Variants in SGMS1 observed in about 807,000 individuals in gnomAD.
SGMS1 encodes sphingomyelin synthase 1.
In SGMS1, 13 loss-of-function variants were observed where a neutral mutation model predicts 46.2. That is an observed-to-expected ratio of 0.28 (90% CI 0.18 to 0.45). SGMS1 has a LOEUF of 0.45. Ranked by LOEUF, SGMS1 falls within the 20% of genes least tolerant of loss-of-function variation. SGMS1 has a pLI of 1.00. For synonymous variants in SGMS1, 203 were observed against 187.8 expected (o/e 1.08, Z -0.66); for missense variants, 324 against 519.9 (o/e 0.62, Z 3.66).
chr10:50,527,214 T>TG (rs1236432031), intron 2 of SGMS1, among the ~76,000 whole-genome samples: 1 of 151,998 alleles, frequency 6.6e-6, no homozygotes, highest in Non-Finnish European at 1.5e-5. Flanking sequence ...TAGGCCTCTG[T>TG]GGGGAAAGTC....
At chr10:50,315,913 T>C (rs1847330301) in intron 8 of SGMS1, among the ~76,000 whole-genome samples, 1 of 152,160 alleles carries the variant, frequency 6.6e-6, no homozygotes, top group African/African-American at 2.4e-5. Context: ...CCAAATCACT[T>C]ACACAATACC....
At chr10:50,388,390 T>C (rs977857290) in intron 6 of SGMS1, among the ~76,000 whole-genome samples, 2 of 151,172 alleles carry the variant, frequency 1.3e-5, no homozygotes, top group Non-Finnish European at 2.9e-5. Flanking sequence ...TCCCAGCACT[T>C]TGGGAAGAAG....
intron 1 of SGMS1, among the ~76,000 whole-genome samples, chr10:50,593,339 T>C (rs1426412449): frequency 6.6e-6 from 1 of 152,230 alleles, no homozygotes; most frequent in Non-Finnish European, 1.5e-5. Flanking sequence ...CCCAAATTCC[T>C]GGCCTACTCA....
At chr10:50,430,590 T>C (rs1327452282) in intron 6 of SGMS1, among the ~76,000 whole-genome samples, 1 of 152,176 alleles carries the variant, frequency 6.6e-6, no homozygotes, top group Non-Finnish European at 1.5e-5. Context: ...TTAACTTTTA[T>C]AGTTTCATAA....
chr10:50,570,240 T>G (rs1838325651), intron 2 of SGMS1, among the ~76,000 whole-genome samples: 1 of 152,192 alleles, frequency 6.6e-6, no homozygotes, highest in South Asian at 2.1e-4. Context: ...TCTCAACGTC[T>G]TGGTCTCTCA....
chr10:50,398,715 T>TA (rs1489761430), intron 6 of SGMS1, among the ~76,000 whole-genome samples: 4 of 152,152 alleles, frequency 2.6e-5, no homozygotes, highest in Non-Finnish European at 5.9e-5. Flanking sequence ...CAAACAAGCT[T>TA]AACAGTTCTC....
intron 3 of SGMS1, among the ~76,000 whole-genome samples, chr10:50,471,199 C>T (rs899536004): frequency 6.6e-6 from 1 of 152,202 alleles, no homozygotes; most frequent in Admixed American, 6.5e-5. Flanking sequence ...CATCTCCTCT[C>T]ACCTTCCCAG....
intron 6 of SGMS1, among the ~76,000 whole-genome samples, chr10:50,402,052 A>C (rs1848947696): frequency 6.6e-6 from 1 of 152,250 alleles, no homozygotes; most frequent in Non-Finnish European, 1.5e-5. Flanking sequence ...TGTTAAAAAA[A>C]TCTCCATTTA....
intron 8 of SGMS1, among the ~76,000 whole-genome samples, chr10:50,323,846 G>A (rs1463709654): frequency 6.6e-6 from 1 of 151,938 alleles, no homozygotes; most frequent in African/African-American, 2.4e-5. Context: ...CCATCCTTAG[G>A]GCCAGTAGCT....
intron 1 of SGMS1, among the ~76,000 whole-genome samples, chr10:50,620,292 G>C (rs965505661): frequency 1.3e-5 from 2 of 152,178 alleles, no homozygotes; most frequent in African/African-American, 4.8e-5. Context: ...TCTTAGAGAG[G>C]AGAAATAGCC....
intron 6 of SGMS1, among the ~76,000 whole-genome samples, chr10:50,375,450 C>G (rs1589413470): frequency 6.6e-6 from 1 of 152,232 alleles, no homozygotes; most frequent in African/African-American, 2.4e-5. Flanking sequence ...TAGCTATCAA[C>G]TGGAGTGGAT....
At chr10:50,549,164 TACCATTTG>T (rs1241237316) in intron 2 of SGMS1, among the ~76,000 whole-genome samples, 1 of 152,184 alleles carries the variant, frequency 6.6e-6, no homozygotes, top group Non-Finnish European at 1.5e-5. Flanking sequence ...GAGGCAGAAA[TACCATTTG>T]ACCCAGCAAT....
chr10:50,614,442 A>C (rs1211169303), intron 1 of SGMS1, among the ~76,000 whole-genome samples: 2 of 152,214 alleles, frequency 1.3e-5, no homozygotes, highest in Non-Finnish European at 2.9e-5. Context: ...TGTAACTAGA[A>C]GTAGTAGCAG....
At chr10:50,415,312 A>AT (rs1849155419) in intron 6 of SGMS1, among the ~76,000 whole-genome samples, 1 of 152,240 alleles carries the variant, frequency 6.6e-6, no homozygotes, top group Non-Finnish European at 1.5e-5. Context: ...ATCTTTTAAA[A>AT]AATGTGATCT....
chr10:50,550,201 T>G (rs1176131715), intron 2 of SGMS1, among the ~76,000 whole-genome samples: 1 of 152,214 alleles, frequency 6.6e-6, no homozygotes, highest in African/African-American at 2.4e-5. Flanking sequence ...TTTTAAATTG[T>G]ATACATTTGC....
intron 7 of SGMS1, among the ~76,000 whole-genome samples, chr10:50,329,568 A>C (rs1474092488): frequency 6.6e-6 from 1 of 152,280 alleles, no homozygotes; most frequent in Non-Finnish European, 1.5e-5. Context: ...AAGTGTTTCA[A>C]GAAATTGTAT....
intron 5 of SGMS1, among the ~76,000 whole-genome samples, chr10:50,452,510 C>T (rs1431764304): frequency 1.3e-5 from 2 of 151,948 alleles, no homozygotes; most frequent in African/African-American, 2.4e-5. Flanking sequence ...ATAATTGAAG[C>T]ATAATGAAGT....
intron 6 of SGMS1, among the ~76,000 whole-genome samples, chr10:50,347,548 C>T (rs953710922): frequency 3.9e-5 from 6 of 152,190 alleles, no homozygotes; most frequent in Admixed American, 3.3e-4. Context: ...TGGCCTCAGA[C>T]CCAAGGCCTC....
intron 6 of SGMS1, among the ~76,000 whole-genome samples, chr10:50,366,294 G>A (rs1165999783): frequency 6.6e-6 from 1 of 152,164 alleles, no homozygotes; most frequent in African/African-American, 2.4e-5. Flanking sequence ...TAAAAAGTCA[G>A]AAAACAATAG....
Sources: gnomAD v4.1 joint callset for allele counts (sites outside exome capture counted in the v4.1 genomes callset) on GRCh38, gnomAD v4.1.1 for gene constraint, MANE v1.5 for transcripts, NCBI Gene and HGNC (gene_info 2026-07-23, HGNC 2026-07-21) for gene names.